The following KIAA0513 variants were observed in gnomAD, a reference collection of about 807,000 sequenced individuals.
KIAA0513 encodes uncharacterized protein KIAA0513.
A neutral mutation model predicts 56.5 loss-of-function variants in KIAA0513; 39 were observed. The ratio of observed to expected loss-of-function variants is 0.69; its 90% CI spans 0.53 to 0.90. The LOEUF (loss-of-function observed/expected upper bound fraction) is 0.90. Among genes scored for constraint, KIAA0513 ranks in the 40% least tolerant of loss-of-function variants. The pLI is 0.00. For synonymous variants in KIAA0513, 268 were observed against 215.6 expected, an observed-to-expected ratio of 1.24 and a Z score of -2.13; for missense variants, 591 against 535.2, an observed-to-expected ratio of 1.10 and a Z score of -1.03.
At chr16:85,042,072 G>A (rs901014896) in intron 1 of KIAA0513, among the ~76,000 whole-genome samples, 2 of 152,260 alleles carry the variant, frequency 1.3e-5, no homozygotes, top group Admixed American at 1.3e-4. Context: ...GAATTAATTA[G>A]TGCACAGCTG....
At chr16:85,030,068 G>A (rs2072941691) in intron 1 of KIAA0513, among the ~76,000 whole-genome samples, 3 of 152,188 alleles carry the variant, frequency 2.0e-5, no homozygotes, top group African/African-American at 7.2e-5. Flanking sequence ...GTCCCCAGAG[G>A]CTTGCAAAAC....
At chr16:85,039,172 TAGAGG>T in intron 1 of KIAA0513, among the ~76,000 whole-genome samples, 1 of 152,374 alleles carries the variant, frequency 6.6e-6, no homozygotes. Flanking sequence ...CCTGCTGCTA[TAGAGG>T]TCACGGAATA....
intron 1 of KIAA0513, among the ~76,000 whole-genome samples, chr16:85,029,715 A>T (rs562882165): frequency 2.0e-5 from 3 of 152,316 alleles, no homozygotes; most frequent in Admixed American, 1.3e-4. Context: ...GCAGTTTTTT[A>T]AAAAAAGTCC....
chr16:85,060,933 C>A (rs2073395575), intron 1 of KIAA0513, among the ~76,000 whole-genome samples: 1 of 151,634 alleles, frequency 6.6e-6, no homozygotes, highest in Non-Finnish European at 1.5e-5. Context: ...GTGGGTAGAT[C>A]ACCTGAGGTC....
chr16:85,071,202 C>A (rs564122678), intron 2 of KIAA0513, among the ~76,000 whole-genome samples: 11 of 152,024 alleles, frequency 7.2e-5, no homozygotes, highest in Admixed American at 7.2e-4. Flanking sequence ...GGTCTCCATC[C>A]CTCTCACACA....
chr16:85,076,091 CAGG>C lies in KIAA0513; in HGVS notation c.574+181_574+183del, dbSNP rs1274041694. Among the ~76,000 whole-genome samples the C allele has an allele frequency of 6.6e-6, 1 of 152,010 alleles. No individual in the cohort carries two copies. The highest frequency in any genetic ancestry group is 2.4e-5 in the African/African-American group (1 of 41,330). Reference sequence around the variant, plus strand: ...AGAAAACACAGTCCGAATCATGGGGCAGGAGGTTGACTGCCCAGGGTACGAAGG... The same window carrying C: ...AGAAAACACAGTCCGAATCATGGGGCAGGTTGACTGCCCAGGGTACGAAGG... On this transcript the variant is annotated intron_variant, in intron 5 of 12. Transcript: ENST00000683363. The surrounding 1 kb of genome is among the most constrained non-coding windows in gnomAD (Gnocchi z 4.7).
In KIAA0513 at chr16:85,066,577, G is replaced by A. The variant is rs377486870; in HGVS notation, c.-172-323G>A. 2.2e-4 allele frequency among the ~76,000 whole-genome samples: 34 copies of A among 152,284 alleles called. No individual in the cohort carries two copies. The East Asian group carries it at 2.9e-3, about 13-fold the overall frequency. Reference sequence around the variant, plus strand: ...GGTGGATTGTCCCTGGTGATCCTCCGTTTCCAGCCCAGGATGGGCCTTTTC... The same window carrying A: ...GGTGGATTGTCCCTGGTGATCCTCCATTTCCAGCCCAGGATGGGCCTTTTC... On this transcript the variant is annotated intron_variant, in intron 1 of 12. Coordinates refer to ENST00000683363, the MANE Select transcript of KIAA0513 (RefSeq NM_001388359.1).
chr16:85,047,100 C>T lies in KIAA0513; in HGVS notation c.-173+19242C>T, dbSNP rs556606771. Among the ~76,000 whole-genome samples, 7 of 152,320 alleles carry T rather than the reference C, an allele frequency of 4.6e-5. No individual in the cohort carries two copies. In the South Asian group the frequency reaches 8.3e-4, roughly 18 times the overall value. On this transcript the variant is annotated intron_variant, in intron 1 of 12. Transcript: ENST00000683363. Reference sequence around the variant, plus strand: ...TAGCTTGGTTGTGGCAGGCACTCCACCAGCTTGGGTTCAGGTTCTCAGTCC... The same window carrying T: ...TAGCTTGGTTGTGGCAGGCACTCCATCAGCTTGGGTTCAGGTTCTCAGTCC...
In KIAA0513 at chr16:85,031,046, A is replaced by G. The variant is rs138554989; in HGVS notation, c.-173+3188A>G. Among the ~76,000 whole-genome samples, 6 of 152,358 alleles carry G rather than the reference A, an allele frequency of 3.9e-5. No homozygotes were observed. In the East Asian group the frequency reaches 9.6e-4, roughly 24 times the overall value. On this transcript the variant is annotated intron_variant, in intron 1 of 12. Transcript: ENST00000683363. ...CATGTAATGAAGGATGCAGAAAAAA[A>G]TAAGCATATTAATTGGAAACCGCTA...
At chr16:85,048,247 C>G (rs1162524356) in intron 1 of KIAA0513, among the ~76,000 whole-genome samples, 1 of 152,192 alleles carries the variant, frequency 6.6e-6, no homozygotes, top group Non-Finnish European at 1.5e-5. Context: ...GGGAAGCCCT[C>G]TGCACCCACC....
At chr16:85,072,607 T>G (rs913030760) in intron 3 of KIAA0513, among the ~76,000 whole-genome samples, 1 of 152,210 alleles carries the variant, frequency 6.6e-6, no homozygotes, top group African/African-American at 2.4e-5. Flanking sequence ...AATGCACAAT[T>G]TGGAAACAGC....
intron 2 of KIAA0513, among the ~76,000 whole-genome samples, chr16:85,068,570 G>C (rs1428995102): frequency 6.6e-6 from 1 of 151,628 alleles, no homozygotes; most frequent in Non-Finnish European, 1.5e-5. Context: ...CTGACCTCAT[G>C]ATCCGCCTGC....
chr16:85,055,911 A>T (rs561132094), intron 1 of KIAA0513, among the ~76,000 whole-genome samples: 2 of 152,140 alleles, frequency 1.3e-5, no homozygotes, highest in African/African-American at 4.8e-5. Flanking sequence ...CTCAAACTCT[A>T]AGCTGGTGCT....
At chr16:85,072,436 A>G (rs16975192) in intron 3 of KIAA0513, among the ~76,000 whole-genome samples, 9,497 of 152,206 alleles carry the variant, frequency 0.062, 458 homozygotes, top group East Asian at 0.24. Context: ...ATATTAACAA[A>G]GTTTAGAAAA....
At chr16:85,057,346 C>G (rs1003553092) in intron 1 of KIAA0513, among the ~76,000 whole-genome samples, 1 of 152,192 alleles carries the variant, frequency 6.6e-6, no homozygotes, top group African/African-American at 2.4e-5. Flanking sequence ...TACTGACAGT[C>G]TTCCTTAAAC....
intron 1 of KIAA0513, among the ~76,000 whole-genome samples, chr16:85,051,242 G>C (rs1343532274): frequency 1.3e-5 from 2 of 152,176 alleles, no homozygotes; most frequent in Non-Finnish European, 2.9e-5. Context: ...TTCTCCCACT[G>C]GGTTGGGGAA....
intron 1 of KIAA0513, among the ~76,000 whole-genome samples, chr16:85,034,361 CAA>C (rs1395109084): frequency 6.6e-6 from 1 of 152,070 alleles, no homozygotes; most frequent in Non-Finnish European, 1.5e-5. Flanking sequence ...GTCTGGGCGA[CAA>C]GAGGGAAGCT....
intron 1 of KIAA0513, among the ~76,000 whole-genome samples, chr16:85,060,259 C>T (rs2073384843): frequency 6.6e-6 from 1 of 152,194 alleles, no homozygotes; most frequent in South Asian, 2.1e-4. Context: ...CTGTGCCCGG[C>T]TTTCTTAGGT....
intron 10 of KIAA0513, among the ~76,000 whole-genome samples, chr16:85,085,415 C>G (rs900190163): frequency 7.2e-5 from 11 of 152,216 alleles, no homozygotes; most frequent in African/African-American, 2.4e-4. Context: ...TGTTTCTCTT[C>G]CTCTGGCTTC....
Sources: allele counts gnomAD v4.1 joint callset (sites outside exome capture counted in the v4.1 genomes callset), GRCh38; gene constraint gnomAD v4.1.1; non-coding constraint Gnocchi (gnomAD v3.1); transcripts MANE v1.5; gene names NCBI Gene and HGNC (gene_info 2026-07-23, HGNC 2026-07-21).